NUP37: variants seen among roughly 807,000 people sequenced by gnomAD.
NUP37 encodes nucleoporin Nup37.
Under a neutral mutation model 45.4 loss-of-function variants are expected in NUP37, and 33 were observed. That is an observed-to-expected ratio of 0.73 (90% CI 0.55 to 0.97). The LOEUF (loss-of-function observed/expected upper bound fraction) is 0.97, where lower values mean the gene tolerates loss of function less well. NUP37 is among the 50% of genes least tolerant of loss of function. NUP37 has a pLI of 0.00. For missense variants in NUP37, 365 were observed against 389.7 expected (o/e 0.94, Z 0.53); for synonymous variants, 127 against 130.7 (o/e 0.97, Z 0.19).
chr12:102,077,479 T>C lies in NUP37; in HGVS notation c.565A>G (p.Thr189Ala). 6.2e-7 allele frequency: 1 copy of C among 1,613,480 alleles called. No homozygotes were observed. Among genetic ancestry groups the C allele is most frequent in the Non-Finnish European group, 8.5e-7 (1 of 1,179,970 alleles). The stretch of plus-strand genomic sequence containing the variant: ...GCCAAAAGATCATAAAACCGGATTG[T>C]TCCATTCTTCTCTGCAACCATTAGC... ...FKLMVAEKNG[T>A]IRFYDLLAQQ... Residue 189 changes from threonine (T) to alanine (A), a missense_variant, in exon 7 of 10, where the codon ACA becomes GCA. Physicochemically the swap from Thr to Ala is moderately conservative, Grantham distance 58 (BLOSUM62 0). Coordinates refer to ENST00000552283, the MANE Select transcript of NUP37 (RefSeq NM_024057.4).
chr12:102,108,441 T>C (rs1380471676), intron 3 of NUP37, among the ~76,000 whole-genome samples: 1 of 152,190 alleles, frequency 6.6e-6, no homozygotes, highest in East Asian at 1.9e-4. Context: ...GCTTTCCTAC[T>C]TGTGAGGTTT....
At chr12:102,116,873 G>A (rs919117846) in intron 2 of NUP37, among the ~76,000 whole-genome samples, 1 of 152,066 alleles carries the variant, frequency 6.6e-6, no homozygotes, top group African/African-American at 2.4e-5. Context: ...ATGGTGGCAC[G>A]TGCCTGTAAT....
At chr12:102,119,890 G>A (rs1409156862) in intron 1 of NUP37, among the ~76,000 whole-genome samples, 160 bp downstream of exon 1, 1 of 152,188 alleles carries the variant, frequency 6.6e-6, no homozygotes, top group Non-Finnish European at 1.5e-5. Context: ...TCTGCAATGA[G>A]CGCCGACACC....
intron 4 of NUP37, among the ~76,000 whole-genome samples, chr12:102,099,752 C>T (rs1879919183): frequency 6.6e-6 from 1 of 152,146 alleles, no homozygotes; most frequent in East Asian, 1.9e-4. Context: ...AATCTCGACA[C>T]AGAAGCAACA....
At position 102,074,161 on chromosome 12, in the gene NUP37, T is replaced by C. The variant is rs928218093; in HGVS notation, c.*193A>G. 11 of 360,170 alleles carry C rather than the reference T, an allele frequency of 3.1e-5. No individual in the cohort carries two copies. Among genetic ancestry groups the C allele is most frequent in the African/African-American group, 8.5e-5 (4 of 47,290 alleles). 22.3% of individuals were successfully genotyped at this position (360,170 alleles called of 1,614,324 possible). Reference sequence around the variant, plus strand: ...TTGTAAGATTAAAAATATATATATATACACACACAGAGAACAGAGTAGAAA... The same window carrying C: ...TTGTAAGATTAAAAATATATATATACACACACACAGAGAACAGAGTAGAAA... On this transcript the variant is annotated 3_prime_UTR_variant, in exon 10 of 10. Transcript: ENST00000552283.
intron 6 of NUP37, among the ~76,000 whole-genome samples, chr12:102,084,048 GA>G (rs1472401907): frequency 1.3e-5 from 2 of 152,142 alleles, no homozygotes; most frequent in Admixed American, 1.3e-4. Context: ...AGGGGAGGTG[GA>G]AAAAGGGAAT....
intron 2 of NUP37, among the ~76,000 whole-genome samples, chr12:102,112,950 T>C (rs546138336): frequency 1.4e-3 from 216 of 152,334 alleles, no homozygotes; most frequent in Non-Finnish European, 2.6e-3. Context: ...TATTTGATTC[T>C]GGGAATAAAT....
At chr12:102,095,854 T>G (rs972020342) in intron 5 of NUP37, among the ~76,000 whole-genome samples, 5 of 152,110 alleles carry the variant, frequency 3.3e-5, no homozygotes, top group Admixed American at 6.6e-5. Context: ...CTCAGCGCTA[T>G]GACACTGTAG....
chr12:102,098,536 T>C (rs561197971), intron 5 of NUP37, among the ~76,000 whole-genome samples: 1 of 142,644 alleles, frequency 7.0e-6, no homozygotes, highest in Non-Finnish European at 1.5e-5. Context: ...TATGTTTGTG[T>C]TTTTTTTTTT....
rs567907770 is a variant in NUP37 at position 102,096,828 on chromosome 12, A to G, written c.449+2278T>C. Among the ~76,000 whole-genome samples, 11 of 152,338 alleles carry G rather than the reference A, an allele frequency of 7.2e-5. No homozygotes were observed. The South Asian group carries it at 2.1e-3, about 29-fold the overall frequency. ...TTATATACGTTCTGTTTTTAAAAAA[A>G]TCTTACCTATATTGCTTAGGTTTTG... is the stretch of plus-strand genomic sequence containing the variant. On this transcript the variant is annotated intron_variant, in intron 5 of 9. Transcript: ENST00000552283.
In NUP37 at chr12:102,089,917, T is replaced by C. The variant is rs530253659; in HGVS notation, c.450-4061A>G. On this transcript the variant is annotated intron_variant, in intron 5 of 9. Coordinates refer to ENST00000552283, the MANE Select transcript of NUP37 (RefSeq NM_024057.4). ...ACCAAGAATGCTGCTGTAAGCCGTC[T>C]TGCATATGTCTTTTAGTGAATATAG... is the stretch of plus-strand genomic sequence containing the variant. Among the ~76,000 whole-genome samples, 6 of 152,328 alleles carry C rather than the reference T, an allele frequency of 3.9e-5. No individual in the cohort carries two copies. The East Asian group carries it at 9.6e-4, about 24-fold the overall frequency.
chr12:102,105,927 G>A (rs1238550838), intron 3 of NUP37, among the ~76,000 whole-genome samples: 1 of 150,670 alleles, frequency 6.6e-6, no homozygotes, highest in Non-Finnish European at 1.5e-5. Flanking sequence ...TGGTAACTAC[G>A]AGTGCTGCCT....
intron 2 of NUP37, among the ~76,000 whole-genome samples, chr12:102,116,915 T>C (rs1266538199): frequency 6.6e-6 from 1 of 152,144 alleles, no homozygotes; most frequent in African/African-American, 2.4e-5. Flanking sequence ...GGCAGGATAA[T>C]TGCTTGACCT....
chr12:102,075,177 TTTTTC>T (rs2136709442), intron 8 of NUP37, 83 bp from the exon 9 acceptor site: 16 of 839,960 alleles, frequency 1.9e-5, no homozygotes, highest in South Asian at 3.9e-5. Context: ...TTTCTTTTTC[TTTTTC>T]TTTTTTTTTA....
chr12:102,085,501 A>G lies in NUP37; in HGVS notation c.540+265T>C, dbSNP rs76079810. 2.1e-3 allele frequency among the ~76,000 whole-genome samples: 325 copies of G among 152,316 alleles called. 8 individuals carry two copies. In the East Asian group the frequency reaches 0.045, roughly 21 times the overall value. ...ACTGCTACTAGATTGTTGGAACACC[A>G]GTTTTTACACTGAAATCCACTAAAG... On this transcript the variant is annotated intron_variant, in intron 6 of 9. Transcript: ENST00000552283.
chr12:102,104,796 A>T (rs1261653698), intron 3 of NUP37, among the ~76,000 whole-genome samples: 1 of 152,130 alleles, frequency 6.6e-6, no homozygotes, highest in East Asian at 1.9e-4. Context: ...ACTCTGTTCC[A>T]TTGGTCTACA....
In NUP37 at chr12:102,099,211, G is replaced by C. The variant is rs771623975; in HGVS notation, c.355-11C>G. Reference sequence around the variant, plus strand: ...ATGGCCCTCTAAAACCTGACAGAAAGAGAAACAGAAAGCTTAGCAAGAAAA... The same window carrying C: ...ATGGCCCTCTAAAACCTGACAGAAACAGAAACAGAAAGCTTAGCAAGAAAA... On this transcript the variant is annotated splice_polypyrimidine_tract_variant and intron_variant, in intron 4 of 9. Coordinates refer to ENST00000552283, the MANE Select transcript of NUP37 (RefSeq NM_024057.4). 6 of 1,578,802 alleles carry C rather than the reference G, an allele frequency of 3.8e-6. No individual in the cohort carries two copies. The highest frequency in any genetic ancestry group is 4.4e-6 in the Non-Finnish European group (5 of 1,148,370).
intron 4 of NUP37, 29 bp downstream of exon 4, chr12:102,101,003 T>G: frequency 7.5e-7 from 1 of 1,324,746 alleles, no homozygotes; most frequent in Non-Finnish European, 1.0e-6. Context: ...TAAAATAAGC[T>G]CTAAAGATTT....
intron 5 of NUP37, among the ~76,000 whole-genome samples, chr12:102,093,023 T>C (rs911106590): frequency 1.3e-5 from 2 of 152,124 alleles, no homozygotes; most frequent in Admixed American, 6.5e-5. Context: ...AAGATTATTA[T>C]TAGAAGTTTT....
Sources: allele counts gnomAD v4.1 joint callset (sites outside exome capture counted in the v4.1 genomes callset), GRCh38; gene constraint gnomAD v4.1.1; transcripts MANE v1.5; gene names NCBI Gene and HGNC (gene_info 2026-07-23, HGNC 2026-07-21).